Variants in FUBP3 observed in about 807,000 individuals in gnomAD.
The protein encoded by FUBP3 is far upstream element binding protein 3.
A neutral mutation model predicts 85.6 loss-of-function variants in FUBP3; 28 were observed. The observed-to-expected ratio is 0.33, with a 90% CI of 0.24 to 0.45. FUBP3 has a LOEUF of 0.45. FUBP3 is among the 20% of genes least tolerant of loss of function. The probability of loss-of-function intolerance (pLI) is 1.00; values close to 1 mark genes in which losing one functional copy is unlikely to be tolerated. For synonymous variants in FUBP3, 271 were observed against 271.4 expected (o/e 1.00, Z 0.01); for missense variants, 583 against 755.1 (o/e 0.77, Z 2.67).
Position 130,632,214 on chromosome 9 carries a change from C to A in FUBP3, c.1446C>A (p.Ala482=). Residue 482 remains alanine (A), a synonymous_variant, in exon 16 of 19, where the codon GCC becomes GCA. Coordinates refer to ENST00000319725, the MANE Select transcript of FUBP3 (RefSeq NM_003934.2). ...PHSTPVSGPP[A]FLTQGWGSTY... ...TTGTTATCCACAGTGGTCCTCCGGC[C>A]TTTCTGACCCAGGGCTGGGGCAGCA... 1 of 1,613,970 alleles carries A rather than the reference C, an allele frequency of 6.2e-7. No homozygotes were observed. The highest frequency in any genetic ancestry group is 8.5e-7 in the Non-Finnish European group (1 of 1,179,832).
chr9:130,632,289 C>T lies in FUBP3; in HGVS notation c.1510+11C>T, dbSNP rs369713848. 2.6e-5 allele frequency: 41 copies of T among 1,604,644 alleles called. No homozygotes were observed. The highest frequency in any genetic ancestry group is 2.2e-4 in the East Asian group (10 of 44,860). On this transcript the variant is annotated intron_variant, in intron 16 of 18. Transcript: ENST00000319725. Reference sequence around the variant, plus strand: ...CACAGCAGGTCCCAAGTAAGTGACTCGGGGCGGGGAGTGCATGCCCTCCAG... The same window carrying T: ...CACAGCAGGTCCCAAGTAAGTGACTTGGGGCGGGGAGTGCATGCCCTCCAG...
intron 2 of FUBP3, among the ~76,000 whole-genome samples, chr9:130,602,635 CAG>C (rs1156924174): frequency 2.0e-5 from 3 of 152,060 alleles, no homozygotes; most frequent in Non-Finnish European, 4.4e-5. Context: ...GGGATGATGA[CAG>C]ATATTGGAGG....
rs1035587465 is a variant in FUBP3, at chr9:130,631,984, T to G, written c.1395T>G (p.Ala465=). 2 of 1,613,706 alleles carry G rather than the reference T, an allele frequency of 1.2e-6. No homozygotes were observed. The highest frequency in any genetic ancestry group is 2.7e-5 in the African/African-American group (2 of 74,920). The change falls in exon 15 of 19, where the codon GCT becomes GCG. Residue 465 remains alanine, a synonymous_variant. Transcript: ENST00000319725. The part of the protein sequence containing the change: ...PRSSGCFPNM[A]AKVNGNPHST... ...GCTCCGGGTGCTTCCCAAACATGGC[T>G]GCCAAGGTGAATGGGAACCCCCACA...
intron 2 of FUBP3, among the ~76,000 whole-genome samples, chr9:130,604,762 G>A (rs1027560333): frequency 6.6e-6 from 1 of 152,150 alleles, no homozygotes; most frequent in African/African-American, 2.4e-5. Flanking sequence ...GCTGGGCATG[G>A]TGGTGCGCGC....
intron 9 of FUBP3, among the ~76,000 whole-genome samples, chr9:130,620,947 A>G (rs1335514982): frequency 1.3e-5 from 2 of 152,236 alleles, no homozygotes; most frequent in Non-Finnish European, 2.9e-5. Context: ...TAGAAGAGGC[A>G]GATGCATACA....
At chr9:130,598,099 C>A (rs1235451353) in intron 2 of FUBP3, among the ~76,000 whole-genome samples, 2 of 152,164 alleles carry the variant, frequency 1.3e-5, no homozygotes, top group African/African-American at 2.4e-5. Flanking sequence ...GATTCTGGAC[C>A]TACTGGGTGA....
At chr9:130,613,293 G>A (rs1317629879) in intron 5 of FUBP3, among the ~76,000 whole-genome samples, 4 of 152,298 alleles carry the variant, frequency 2.6e-5, no homozygotes, top group African/African-American at 7.2e-5. Context: ...TGCCACTCTA[G>A]GACCTATGTT....
chr9:130,608,709 C>G (rs1831586296), intron 2 of FUBP3, among the ~76,000 whole-genome samples: 1 of 152,206 alleles, frequency 6.6e-6, no homozygotes, highest in African/African-American at 2.4e-5. Context: ...AATATTTTGG[C>G]TGTAGACCAT....
chr9:130,611,830 A>T (rs1294426054), intron 3 of FUBP3, among the ~76,000 whole-genome samples: 1 of 151,186 alleles, frequency 6.6e-6, no homozygotes, highest in Non-Finnish European at 1.5e-5. Context: ...CACATAATGG[A>T]TGGGATAGCA....
At chr9:130,597,096 C>A (rs1477758644) in intron 2 of FUBP3, among the ~76,000 whole-genome samples, 1 of 144,082 alleles carries the variant, frequency 6.9e-6, no homozygotes, top group African/African-American at 2.6e-5. Context: ...CTCTCTATGT[C>A]CATGAGTTCA....
At chr9:130,610,033 G>A (rs1236028840) in intron 3 of FUBP3, 46 bp downstream of exon 3, 1 of 1,383,290 alleles carries the variant, frequency 7.2e-7, no homozygotes, top group Non-Finnish European at 1.0e-6. Context: ...ATTTCTAATT[G>A]TTTATTGATC....
Position 130,636,061 on chromosome 9 carries a change from G to A in FUBP3, c.1645G>A (p.Glu549Lys). The change falls in exon 18 of 19, where the codon GAA (glutamate) becomes AAA (lysine). Residue 549 changes from glutamate (E) to lysine (K), a missense_variant. Transcript: ENST00000319725. Reference sequence around the variant, plus strand: ...ACCGGACTACACAATGGCCTGGGCAGAATATTACAGACAGCAGGTCGCTTT... The same window carrying A: ...ACCGGACTACACAATGGCCTGGGCAAAATATTACAGACAGCAGGTCGCTTT... Reference protein sequence around the residue: ...SPPDYTMAWAEYYRQQVAFYG... With the variant: ...SPPDYTMAWAKYYRQQVAFYG... 1 of 1,613,904 alleles carries A rather than the reference G, an allele frequency of 6.2e-7. No individual in the cohort carries two copies. Among genetic ancestry groups the A allele is most frequent in the Non-Finnish European group, 8.5e-7 (1 of 1,179,908 alleles).
chr9:130,621,762 G>A (rs1003804531), intron 9 of FUBP3, among the ~76,000 whole-genome samples: 2 of 151,724 alleles, frequency 1.3e-5, no homozygotes, highest in African/African-American at 2.4e-5. Flanking sequence ...AAAATTAGCC[G>A]GGTGTGGTGA....
chr9:130,620,106 C>T (rs1324140005), intron 8 of FUBP3, among the ~76,000 whole-genome samples: 1 of 152,200 alleles, frequency 6.6e-6, no homozygotes, highest in Admixed American at 6.5e-5. Flanking sequence ...CAGATGTGCT[C>T]ACCCAACTGA....
At chr9:130,625,246 G>A (rs1253654015) in intron 11 of FUBP3, among the ~76,000 whole-genome samples, 1 of 152,216 alleles carries the variant, frequency 6.6e-6, no homozygotes, top group African/African-American at 2.4e-5. Flanking sequence ...CAGAGGCTGC[G>A]AGATGTTTGG....
Position 130,635,970 on chromosome 9 carries a change from T to C in FUBP3, c.1583-29T>C, listed in dbSNP as rs1830400387. 2 of 1,610,790 alleles carry C rather than the reference T, an allele frequency of 1.2e-6. No individual in the cohort carries two copies. The highest frequency in any genetic ancestry group is 1.3e-5 in the African/African-American group (1 of 74,898). On this transcript the variant is annotated intron_variant, in intron 17 of 18. Transcript: ENST00000319725. The surrounding 1 kb of genome is among the most constrained non-coding windows in gnomAD (Gnocchi z 4.3). ...CTGCCCAGTGCACCTCCGCTCCCGA[T>C]AACCTGTGTTTCCTCCTTTGTCAAC...
chr9:130,631,522 A>C, intron 13 of FUBP3, 35 bp from the exon 14 acceptor site: 1 of 1,576,282 alleles, frequency 6.3e-7, no homozygotes, highest in Non-Finnish European at 8.7e-7. Flanking sequence ...GTGTGCAACC[A>C]ACAGCGGGTG....
intron 1 of FUBP3, among the ~76,000 whole-genome samples, chr9:130,582,492 C>T (rs1416434915): frequency 6.6e-6 from 1 of 151,890 alleles, no homozygotes; most frequent in Non-Finnish European, 1.5e-5. Context: ...AATGTGATCT[C>T]ATTCAGTTCC....
At chr9:130,617,603 A>G (rs189242756) in intron 7 of FUBP3, among the ~76,000 whole-genome samples, 194 bp from the exon 8 acceptor site, 12 of 152,348 alleles carry the variant, frequency 7.9e-5, no homozygotes, top group Non-Finnish European at 1.3e-4. Flanking sequence ...TACATCTCGC[A>G]TTTGGACATG....
Sources: gnomAD v4.1 joint callset for allele counts (sites outside exome capture counted in the v4.1 genomes callset) on GRCh38, gnomAD v4.1.1 for gene constraint, Gnocchi (gnomAD v3.1) non-coding constraint, MANE v1.5 for transcripts, NCBI Gene and HGNC (gene_info 2026-07-23, HGNC 2026-07-21) for gene names.